FHIP1A: variants seen among roughly 807,000 people sequenced by gnomAD.
The protein encoded by FHIP1A is FHF complex subunit HOOK interacting protein 1A, also known as FHF complex subunit HOOK-interacting protein 1A.
Under a neutral mutation model 88.6 loss-of-function variants are expected in FHIP1A, and 61 were observed. The ratio of observed to expected loss-of-function variants is 0.69; its 90% CI spans 0.56 to 0.85. FHIP1A has a LOEUF of 0.85. Ranked by LOEUF, FHIP1A falls within the 40% of genes least tolerant of loss-of-function variation. The pLI, the probability that FHIP1A is intolerant of heterozygous loss-of-function variation, is 0.00. For missense variants in FHIP1A, 1,154 were observed against 1,273.5 expected (o/e 0.91, Z 1.43); for synonymous variants, 478 against 496.0 (o/e 0.96, Z 0.48).
At chr4:151,594,070 T>C (rs895424013) in intron 7 of FHIP1A, among the ~76,000 whole-genome samples, 2 of 152,054 alleles carry the variant, frequency 1.3e-5, no homozygotes, top group African/African-American at 4.8e-5. Flanking sequence ...GGTTTATTGA[T>C]TTGCATATGT....
intron 1 of FHIP1A, among the ~76,000 whole-genome samples, chr4:151,441,362 C>G (rs1266738843): frequency 1.3e-5 from 2 of 150,010 alleles, no homozygotes; most frequent in Non-Finnish European, 3.0e-5. Context: ...TTAAAAAAAA[C>G]TGGATGATAG....
intron 1 of FHIP1A, among the ~76,000 whole-genome samples, chr4:151,450,103 A>G (rs1728740588): frequency 6.6e-6 from 1 of 152,162 alleles, no homozygotes; most frequent in East Asian, 1.9e-4. Flanking sequence ...AAAGTTTAAA[A>G]TGTTTAAGTT....
At chr4:151,470,185 A>T (rs2126615335) in intron 2 of FHIP1A, among the ~76,000 whole-genome samples, 1 of 152,350 alleles carries the variant, frequency 6.6e-6, no homozygotes. Context: ...GTGCCTCAGC[A>T]TATTACACTT....
chr4:151,568,902 CA>C (rs1253199597), intron 4 of FHIP1A, among the ~76,000 whole-genome samples: 2 of 151,942 alleles, frequency 1.3e-5, no homozygotes, highest in East Asian at 1.9e-4. Flanking sequence ...GAGGGGAAGG[CA>C]AAAAAATCAG....
chr4:151,626,282 A>C (rs992626756), intron 7 of FHIP1A, among the ~76,000 whole-genome samples: 2 of 152,218 alleles, frequency 1.3e-5, no homozygotes, highest in African/African-American at 4.8e-5. Flanking sequence ...ATAGTTTCAA[A>C]AACACCAGCT....
rs2126947648 is a variant in FHIP1A at position 151,670,200 on chromosome 4, GGA to G, written c.*7451_*7452del. On this transcript the variant is annotated 3_prime_UTR_variant, in exon 14 of 14. Coordinates refer to ENST00000435205, the MANE Select transcript of FHIP1A (RefSeq NM_001109977.3). Reference sequence around the variant, plus strand: ...CCGAACAAAGGTGCTCCGGTGCAGTGGAGAGAACAGTATTAGTGTCGCAAGCA... The same window carrying G: ...CCGAACAAAGGTGCTCCGGTGCAGTGGAGAACAGTATTAGTGTCGCAAGCA... The G allele has an allele frequency of 6.6e-6, 1 of 152,310 alleles. No homozygotes were observed. Among genetic ancestry groups the G allele is most frequent in the South Asian group, 2.1e-4 (1 of 4,818 alleles). The allele number at this position is 152,310 out of a possible 1,614,324, so 9.4% of individuals were successfully genotyped here.
At chr4:151,444,168 TAA>T (rs1406911813) in intron 1 of FHIP1A, among the ~76,000 whole-genome samples, 1 of 152,142 alleles carries the variant, frequency 6.6e-6, no homozygotes, top group Non-Finnish European at 1.5e-5. Flanking sequence ...CTTACCCATT[TAA>T]AGTTTCCTTC....
intron 7 of FHIP1A, among the ~76,000 whole-genome samples, chr4:151,601,851 T>C (rs1486635181): frequency 6.6e-6 from 1 of 151,696 alleles, no homozygotes; most frequent in Non-Finnish European, 1.5e-5. Flanking sequence ...TACCTGAGAC[T>C]GGGAAGAAAA....
chr4:151,456,105 A>G (rs1728958905), intron 2 of FHIP1A, among the ~76,000 whole-genome samples: 1 of 152,188 alleles, frequency 6.6e-6, no homozygotes, highest in Non-Finnish European at 1.5e-5. Context: ...AAAAAAACCC[A>G]CTGTAGGACT....
chr4:151,412,691 T>C (rs1257422979), intron 1 of FHIP1A, among the ~76,000 whole-genome samples: 32 of 141,236 alleles, frequency 2.3e-4, no homozygotes, highest in African/African-American at 6.2e-4. Flanking sequence ...TTCTTTCTTT[T>C]TTTTTTTTTT....
At chr4:151,550,665 C>G (rs1349377906) in intron 3 of FHIP1A, among the ~76,000 whole-genome samples, 1 of 152,202 alleles carries the variant, frequency 6.6e-6, no homozygotes, top group Admixed American at 6.5e-5. Context: ...ATTTAAAAAA[C>G]TAATATTTTC....
At chr4:151,648,400 C>T (rs1034886109) in intron 10 of FHIP1A, among the ~76,000 whole-genome samples, 8 of 152,042 alleles carry the variant, frequency 5.3e-5, no homozygotes, top group African/African-American at 7.2e-5. Flanking sequence ...TAAACACTAA[C>T]GTTTTAGCTT....
chr4:151,589,484 C>A (rs972031214), intron 7 of FHIP1A, among the ~76,000 whole-genome samples: 3 of 152,138 alleles, frequency 2.0e-5, no homozygotes, highest in African/African-American at 4.8e-5. Flanking sequence ...CAACTGATAT[C>A]TTTTCCATTG....
At chr4:151,541,075 T>C (rs1020671074) in intron 3 of FHIP1A, among the ~76,000 whole-genome samples, 10 of 152,240 alleles carry the variant, frequency 6.6e-5, no homozygotes, top group African/African-American at 2.4e-4. Context: ...GTTACTTTTC[T>C]CTAGGGTGTT....
intron 7 of FHIP1A, among the ~76,000 whole-genome samples, chr4:151,609,315 A>C (rs1408916513): frequency 2.0e-5 from 3 of 152,222 alleles, no homozygotes. Flanking sequence ...GATTTTCTTC[A>C]GCTGAGTATA....
chr4:151,454,379 G>T (rs1728898801), intron 1 of FHIP1A, among the ~76,000 whole-genome samples: 1 of 152,150 alleles, frequency 6.6e-6, no homozygotes, highest in South Asian at 2.1e-4. Context: ...CTTTGGGTCT[G>T]CTTGTATGAC....
Position 151,662,685 on chromosome 4 carries a change from G to A in FHIP1A, c.3054G>A (p.Ala1018=), listed in dbSNP as rs116517919. The A allele has an allele frequency of 2.4e-3, 3,711 of 1,551,060 alleles. 72 individuals are homozygous for A. In the African/African-American group the frequency reaches 0.044, roughly 19 times the overall value. The change falls in exon 14 of 14, where the codon GCG becomes GCA. Residue 1018 remains alanine (A), a synonymous_variant. Transcript: ENST00000435205. ...TCCCAGAGTTCCTGAAGGAGCTGGC[G>A]GCCTTGGCCCAGGAACACTCCATTC... is the stretch of plus-strand genomic sequence containing the variant. ...ALFPEFLKEL[A]ALAQEHSILC... is the part of the protein sequence containing the mutation.
intron 3 of FHIP1A, among the ~76,000 whole-genome samples, chr4:151,533,210 C>T (rs549768944): frequency 2.6e-5 from 4 of 152,194 alleles, no homozygotes; most frequent in South Asian, 2.1e-4. Flanking sequence ...GCCTGGTTGA[C>T]GTGGCAAGAC....
chr4:151,427,438 G>A (rs1733423945), intron 1 of FHIP1A, among the ~76,000 whole-genome samples: 1 of 152,040 alleles, frequency 6.6e-6, no homozygotes, highest in Non-Finnish European at 1.5e-5. Context: ...TGATATATGA[G>A]ACTAGTAAAA....
Sources: allele counts gnomAD v4.1 joint callset (sites outside exome capture counted in the v4.1 genomes callset), GRCh38; gene constraint gnomAD v4.1.1; transcripts MANE v1.5; gene names NCBI Gene and HGNC (gene_info 2026-07-23, HGNC 2026-07-21).